CNTNAP2: variants seen among roughly 807,000 people sequenced by gnomAD.
CNTNAP2 encodes contactin-associated protein-like 2.
In CNTNAP2, 98 loss-of-function variants were observed where a neutral mutation model predicts 155.2. That is an observed-to-expected ratio of 0.63 (90% CI 0.54 to 0.75). The LOEUF (loss-of-function observed/expected upper bound fraction) is 0.75. Ranked by LOEUF, CNTNAP2 falls within the 30% of genes least tolerant of loss-of-function variation. CNTNAP2 has a pLI of 0.00. For synonymous variants in CNTNAP2, 651 were observed against 631.2 expected (o/e 1.03, Z -0.47); for missense variants, 1,727 against 1,688.1 (o/e 1.02, Z -0.40).
Position 146,437,030 on chromosome 7 carries a change from C to A in CNTNAP2, c.97+320057C>A, listed in dbSNP as rs546768305. 3.8e-4 allele frequency among the ~76,000 whole-genome samples: 57 copies of A among 151,626 alleles called. 1 individual carries two copies. The South Asian group carries it at 0.011, about 30-fold the overall frequency. On this transcript the variant is annotated intron_variant, in intron 1 of 23. Transcript: ENST00000361727. ...GGTGTATGGCCTGTTAGGAACCGGG[C>A]CGCACGGCAGGAGGTGAGCGGTGGC...
chr7:148,143,253 G>C (rs1047616594), intron 16 of CNTNAP2, among the ~76,000 whole-genome samples: 1 of 152,196 alleles, frequency 6.6e-6, no homozygotes, highest in Non-Finnish European at 1.5e-5. Flanking sequence ...AGCGTGAAAA[G>C]TGAAAAGACC....
At chr7:146,551,636 TAA>T (rs1798123905) in intron 1 of CNTNAP2, among the ~76,000 whole-genome samples, 1 of 151,992 alleles carries the variant, frequency 6.6e-6, no homozygotes, top group Admixed American at 6.6e-5. Flanking sequence ...CAAAAGACAC[TAA>T]AAAAATGAAT....
At chr7:147,728,905 AT>A (rs927973263) in intron 13 of CNTNAP2, among the ~76,000 whole-genome samples, 5 of 151,650 alleles carry the variant, frequency 3.3e-5, no homozygotes, top group African/African-American at 9.7e-5. Flanking sequence ...AAAGCATTGA[AT>A]GGGTGGAAAA....
chr7:148,136,999 G>C (rs1487701238), intron 16 of CNTNAP2, among the ~76,000 whole-genome samples: 3 of 152,136 alleles, frequency 2.0e-5, no homozygotes, highest in African/African-American at 7.2e-5. Flanking sequence ...CATTTCCAGA[G>C]GAATGCTTTT....
chr7:147,906,490 A>AT (rs1159113841), intron 14 of CNTNAP2, among the ~76,000 whole-genome samples: 4 of 148,572 alleles, frequency 2.7e-5, no homozygotes, highest in East Asian at 2.1e-4. Flanking sequence ...TATTTTTTTT[A>AT]TTTTTTATTT....
At chr7:146,930,547 C>T (rs1167792070) in intron 3 of CNTNAP2, among the ~76,000 whole-genome samples, 2 of 152,104 alleles carry the variant, frequency 1.3e-5, no homozygotes, top group African/African-American at 4.8e-5. Context: ...ACAAAATAAC[C>T]AGCTAACATA....
chr7:146,137,970 G>A (rs1797821409), intron 1 of CNTNAP2, among the ~76,000 whole-genome samples: 1 of 151,782 alleles, frequency 6.6e-6, no homozygotes, highest in Admixed American at 6.6e-5. Flanking sequence ...TTATAATGAG[G>A]TTTGGGTTTT....
intron 12 of CNTNAP2, among the ~76,000 whole-genome samples, chr7:147,571,217 C>A (rs1245067669): frequency 6.7e-6 from 1 of 149,316 alleles, no homozygotes; most frequent in Non-Finnish European, 1.5e-5. Context: ...TGTGCTGCAC[C>A]CATTAACTCC....
chr7:146,912,421 C>T lies in CNTNAP2; in HGVS notation c.402+72517C>T, dbSNP rs138713951. Among the ~76,000 whole-genome samples, 397 of 151,896 alleles carry T rather than the reference C, an allele frequency of 2.6e-3. 1 individual carries two copies. Among genetic ancestry groups the T allele is most frequent in the African/African-American group, 4.8e-3 (197 of 41,418 alleles). ...TAATTGGAAAATTACATTTTTTATCCATAATAAGAAAAAAGATAAATACAA... is the reference window on the plus strand; with the variant it reads ...TAATTGGAAAATTACATTTTTTATCTATAATAAGAAAAAAGATAAATACAA... On this transcript the variant is annotated intron_variant, in intron 3 of 23. Transcript: ENST00000361727.
At chr7:146,755,668 C>A (rs1048211290) in intron 1 of CNTNAP2, among the ~76,000 whole-genome samples, 3 of 151,860 alleles carry the variant, frequency 2.0e-5, no homozygotes, top group African/African-American at 7.2e-5. Context: ...TAATAGCAAA[C>A]AAATAATTCA....
chr7:147,611,521 T>C (rs1314554852), intron 12 of CNTNAP2, among the ~76,000 whole-genome samples: 5 of 152,232 alleles, frequency 3.3e-5, no homozygotes, highest in African/African-American at 9.6e-5. Context: ...AAATGGCTAA[T>C]GCTTTCCTAC....
chr7:147,272,742 C>G (rs1374083565), intron 8 of CNTNAP2, among the ~76,000 whole-genome samples: 1 of 150,578 alleles, frequency 6.6e-6, no homozygotes, highest in Non-Finnish European at 1.5e-5. Context: ...CTCCTGACAT[C>G]ATGATCCACC....
Position 147,226,908 on chromosome 7 carries a change from G to A in CNTNAP2, c.1349-73233G>A, listed in dbSNP as rs150975945. Among the ~76,000 whole-genome samples the A allele has an allele frequency of 2.7e-3, 406 of 152,218 alleles. 1 individual carries two copies. Among genetic ancestry groups the A allele is most frequent in the African/African-American group, 9.1e-3 (380 of 41,532 alleles). ...ATTGTACCAGTTAAACATATAACAGGAAACAAAACTCAAAAACAGTTCTGT... is the reference window on the plus strand; with the variant it reads ...ATTGTACCAGTTAAACATATAACAGAAAACAAAACTCAAAAACAGTTCTGT... On this transcript the variant is annotated intron_variant, in intron 8 of 23. Transcript: ENST00000361727.
chr7:147,004,289 A>G (rs1434645309), intron 3 of CNTNAP2, among the ~76,000 whole-genome samples: 1 of 151,488 alleles, frequency 6.6e-6, no homozygotes. Flanking sequence ...AAGCCATTAC[A>G]TAGATTGGGA....
intron 13 of CNTNAP2, among the ~76,000 whole-genome samples, chr7:147,699,612 A>AAATT (rs965429976): frequency 2.0e-5 from 3 of 152,016 alleles, no homozygotes; most frequent in African/African-American, 7.3e-5. Flanking sequence ...ATAAATAAAT[A>AAATT]AAAAGATGGC....
At chr7:146,809,390 C>T (rs1803024904) in intron 2 of CNTNAP2, among the ~76,000 whole-genome samples, 1 of 151,540 alleles carries the variant, frequency 6.6e-6, no homozygotes, top group South Asian at 2.1e-4. Context: ...GAGATGGAGC[C>T]TCACTCTGTC....
intron 14 of CNTNAP2, among the ~76,000 whole-genome samples, chr7:147,917,567 A>T (rs1413108540): frequency 6.6e-6 from 1 of 152,236 alleles, no homozygotes; most frequent in South Asian, 2.1e-4. Context: ...ATGACTTTAC[A>T]TACCACTTCC....
At position 147,108,128 on chromosome 7, in the gene CNTNAP2, AT is replaced by A. The variant is rs370377093; in HGVS notation, c.551-8del. ...ACATACATGGCTGAACTAATATGTT[AT>A]TTTTTTTTTTGTTTTAGGGGCTGAT... On this transcript the variant is annotated intron_variant, in intron 4 of 23. Coordinates refer to ENST00000361727, the MANE Select transcript of CNTNAP2 (RefSeq NM_014141.6). 0.02 allele frequency: 22,906 copies of A among 1,164,286 alleles called. 3 individuals are homozygous for A. Among genetic ancestry groups the A allele is most frequent in the South Asian group, 0.026 (1,581 of 60,210 alleles). The allele number at this position is 1,164,286 out of a possible 1,614,324, so 72.1% of individuals were successfully genotyped here.
chr7:146,491,663 C>G (rs1797141554), intron 1 of CNTNAP2, among the ~76,000 whole-genome samples: 1 of 152,150 alleles, frequency 6.6e-6, no homozygotes, highest in Admixed American at 6.5e-5. Context: ...CATTCCTACT[C>G]TCTTACAAAC....
Sources: allele counts gnomAD v4.1 joint callset (sites outside exome capture counted in the v4.1 genomes callset), GRCh38; gene constraint gnomAD v4.1.1; transcripts MANE v1.5; gene names NCBI Gene and HGNC (gene_info 2026-07-23, HGNC 2026-07-21).